MANBA: variants seen among roughly 807,000 people sequenced by gnomAD.
MANBA encodes the protein beta-mannosidase.
A neutral mutation model predicts 111.1 loss-of-function variants in MANBA; 83 were observed. The ratio of observed to expected loss-of-function variants is 0.75; its 90% CI spans 0.63 to 0.90. MANBA has a LOEUF of 0.90. Among genes scored for constraint, MANBA ranks in the 40% least tolerant of loss-of-function variants. The pLI is 0.00. For synonymous variants in MANBA, 370 were observed against 378.7 expected (o/e 0.98, Z 0.27); for missense variants, 1,036 against 1,069.0 (o/e 0.97, Z 0.43).
chr4:102,690,403 T>C (rs762343794), intron 6 of MANBA, among the ~76,000 whole-genome samples, 193 bp downstream of exon 6: 6 of 152,138 alleles, frequency 3.9e-5, no homozygotes, highest in Non-Finnish European at 7.4e-5. Context: ...TTTCTTAATC[T>C]TAAAGTTTGG....
rs117948144 is a variant in MANBA, at chr4:102,734,400, C to T, written c.178-7717G>A. ...CTTCTCACCTCTGGAGGTGCCTGAG[C>T]CCACTTTCCTGGAGAACCTGCTATG... On this transcript the variant is annotated intron_variant, in intron 1 of 16. Coordinates refer to ENST00000647097, the MANE Select transcript of MANBA (RefSeq NM_005908.4). 2.6e-4 allele frequency: 420 copies of T among 1,610,384 alleles called. 5 individuals carry two copies. The East Asian group carries it at 9.2e-3, about 35-fold the overall frequency.
chr4:102,649,424 C>T (rs1730234140), intron 13 of MANBA, among the ~76,000 whole-genome samples: 2 of 152,188 alleles, frequency 1.3e-5, no homozygotes, highest in African/African-American at 4.8e-5. Flanking sequence ...TTGTTATTAT[C>T]AATCTTTTTA....
intron 8 of MANBA, chr4:102,672,229 T>C: frequency 2.5e-6 from 1 of 396,500 alleles, no homozygotes; most frequent in Non-Finnish European, 4.4e-6. Flanking sequence ...TGATGACATT[T>C]ACATTCTAAA....
At chr4:102,684,006 G>A (rs1272242748) in intron 7 of MANBA, among the ~76,000 whole-genome samples, 1 of 151,734 alleles carries the variant, frequency 6.6e-6, no homozygotes, top group Non-Finnish European at 1.5e-5. Context: ...TTCTTTTCAT[G>A]ATTCCATACA....
chr4:102,634,907 G>A lies in MANBA; in HGVS notation c.2296C>T (p.Arg766Trp), dbSNP rs147428514. The change falls in exon 16 of 17, where the codon CGG becomes TGG. Residue 766 changes from arginine (R) to tryptophan (W), a missense_variant. Transcript: ENST00000647097. ...TAAAAGGAAACCACACAGCTTTCCC[G>A]TGTGCAATTCCCACATCTCCTCAGC... is the stretch of plus-strand genomic sequence containing the variant. ...ELLRRCGNCT[R>W]ESCVVSFYLS... 1.3e-4 allele frequency: 208 copies of A among 1,614,196 alleles called. No individual in the cohort carries two copies. The highest frequency in any genetic ancestry group is 1.2e-3 in the Middle Eastern group (7 of 6,062).
chr4:102,662,275 C>T (rs1353667478), intron 11 of MANBA, among the ~76,000 whole-genome samples: 1 of 152,148 alleles, frequency 6.6e-6, no homozygotes, highest in East Asian at 1.9e-4. Flanking sequence ...GGCGTGGTGG[C>T]TCACACCTGT....
rs765931815 is a variant in MANBA at position 102,714,422 on chromosome 4, A to T, written c.673+16T>A. 11 of 1,599,644 alleles carry T rather than the reference A, an allele frequency of 6.9e-6. No homozygotes were observed. Among genetic ancestry groups the T allele is most frequent in the Non-Finnish European group, 9.4e-6 (11 of 1,167,314 alleles). On this transcript the variant is annotated intron_variant, in intron 5 of 16. Transcript: ENST00000647097. Reference sequence around the variant, plus strand: ...GAAGACTCAAAAAGAAAAAAAAATCACATCTTTCAGCTTACCATATATTGG... The same window carrying T: ...GAAGACTCAAAAAGAAAAAAAAATCTCATCTTTCAGCTTACCATATATTGG...
In MANBA at chr4:102,671,354, G is replaced by A. The variant is rs766906116; in HGVS notation, c.1157C>T (p.Thr386Ile). 1.9e-6 allele frequency: 3 copies of A among 1,608,744 alleles called. No homozygotes were observed. Among genetic ancestry groups the A allele is most frequent in the Non-Finnish European group, 2.6e-6 (3 of 1,175,562 alleles). ...AATTCCTCCTCCCCAAACCCGAAGA[G>A]TATTCATATTAGCATCCACAACAGA... ...LQSVVDANMN[T>I]LRVWGGGIYE... The change falls in exon 9 of 17, where the codon ACT becomes ATT. Residue 386 changes from threonine to isoleucine, a missense_variant. Physicochemically the swap from Thr to Ile is moderately conservative, Grantham distance 89 (BLOSUM62 -1). Transcript: ENST00000647097.
At chr4:102,729,605 C>T in intron 1 of MANBA, 1 of 934,266 alleles carries the variant, frequency 1.1e-6, no homozygotes, top group Middle Eastern at 2.9e-4. Context: ...ATTCATTCTC[C>T]ACCTCTGTAC....
intron 2 of MANBA, among the ~76,000 whole-genome samples, chr4:102,724,862 TG>T (rs1183668883): frequency 6.6e-6 from 1 of 152,242 alleles, no homozygotes; most frequent in Non-Finnish European, 1.5e-5. Context: ...TAAAATGTGT[TG>T]TATTCATACA....
intron 9 of MANBA, among the ~76,000 whole-genome samples, chr4:102,669,804 C>T (rs569669040): frequency 4.1e-4 from 62 of 152,148 alleles, no homozygotes; most frequent in African/African-American, 1.4e-3. Context: ...CACGGTGAAA[C>T]CCCGTCTCTA....
intron 1 of MANBA, chr4:102,753,823 C>G: frequency 3.3e-6 from 1 of 300,690 alleles, no homozygotes; most frequent in South Asian, 2.5e-5. Context: ...TGGCTCACAC[C>G]TGTAATCCCA....
At chr4:102,685,708 T>C (rs1398009700) in intron 7 of MANBA, among the ~76,000 whole-genome samples, 3 of 152,120 alleles carry the variant, frequency 2.0e-5, no homozygotes, top group Admixed American at 1.3e-4. Context: ...GTTGAAATCA[T>C]TGCAAACTTG....
intron 5 of MANBA, among the ~76,000 whole-genome samples, chr4:102,698,833 G>A (rs1302803378): frequency 2.6e-5 from 4 of 151,000 alleles, no homozygotes; most frequent in East Asian, 1.9e-4. Context: ...TTGACTTGGC[G>A]ATGTGGGCTC....
intron 12 of MANBA, 126 bp downstream of exon 12, chr4:102,657,556 T>A: frequency 1.2e-6 from 1 of 805,700 alleles, no homozygotes; most frequent in South Asian, 1.6e-5. Context: ...TTTTCCTCCA[T>A]CTTCTTCTCA....
intron 1 of MANBA, chr4:102,730,373 G>T (rs951716511): frequency 7.9e-6 from 4 of 503,268 alleles, no homozygotes; most frequent in Non-Finnish European, 1.1e-5. Context: ...AGCAGGGTTT[G>T]CTTAGTGTAG....
rs139880035 is a variant in MANBA, at chr4:102,708,549, G to A, written c.673+5889C>T. Among the ~76,000 whole-genome samples, 1,180 of 152,060 alleles carry A rather than the reference G, an allele frequency of 7.8e-3. 11 individuals are homozygous for A. Among genetic ancestry groups the A allele is most frequent in the Middle Eastern group, 0.034 (10 of 294 alleles). ...AGCAACAGATACTTACATCCAAAAA[G>A]TAGAAAGATTTCAAATAAACAACCT... On this transcript the variant is annotated intron_variant, in intron 5 of 16. Transcript: ENST00000647097.
intron 1 of MANBA, among the ~76,000 whole-genome samples, chr4:102,745,970 G>C (rs1433584586): frequency 6.6e-6 from 1 of 152,190 alleles, no homozygotes; most frequent in Non-Finnish European, 1.5e-5. Flanking sequence ...GGTGTTGGGG[G>C]TGGCTCCTGA....
intron 10 of MANBA, chr4:102,665,216 A>G: frequency 8.5e-6 from 2 of 235,162 alleles, no homozygotes; most frequent in Non-Finnish European, 1.7e-5. Context: ...GAGACATTAT[A>G]TTTTGGGGAT....
Sources: allele counts gnomAD v4.1 joint callset (sites outside exome capture counted in the v4.1 genomes callset), GRCh38; gene constraint gnomAD v4.1.1; transcripts MANE v1.5; gene names NCBI Gene and HGNC (gene_info 2026-07-23, HGNC 2026-07-21).